The following CSMD1 variants were observed in gnomAD, a reference collection of about 807,000 sequenced individuals.
CSMD1 encodes the protein CUB and Sushi multiple domains 1.
Under a neutral mutation model 417.5 loss-of-function variants are expected in CSMD1, and 213 were observed. The ratio of observed to expected loss-of-function variants is 0.51; its 90% confidence interval spans 0.46 to 0.57. The LOEUF (loss-of-function observed/expected upper bound fraction) is 0.57. Among genes scored for constraint, CSMD1 ranks in the 20% least tolerant of loss-of-function variants. The pLI, the probability that CSMD1 is intolerant of heterozygous loss-of-function variation, is 0.00. For synonymous variants in CSMD1, 2,862 were observed against 1,736.8 expected (o/e 1.65, Z -16.11); for missense variants, 6,923 against 4,529.7 (o/e 1.53, Z -15.17).
chr8:3,865,034 T>A (rs1283940795), intron 5 of CSMD1, among the ~76,000 whole-genome samples: 1 of 152,224 alleles, frequency 6.6e-6, no homozygotes, highest in East Asian at 1.9e-4. Flanking sequence ...ATTTGTCAAG[T>A]AAGACATGCT....
At chr8:3,725,064 G>C (rs959090424) in intron 6 of CSMD1, among the ~76,000 whole-genome samples, 29 of 152,224 alleles carry the variant, frequency 1.9e-4, no homozygotes, top group African/African-American at 5.1e-4. Context: ...AGAGGAGTGA[G>C]GCAGGAGGTT....
intron 21 of CSMD1, among the ~76,000 whole-genome samples, chr8:3,357,437 A>G (rs1420253945): frequency 6.6e-6 from 1 of 152,244 alleles, no homozygotes; most frequent in Admixed American, 6.5e-5. Flanking sequence ...ACATGGAAGG[A>G]GCCTGAAGCA....
chr8:3,873,399 G>C (rs1306020309), intron 5 of CSMD1, among the ~76,000 whole-genome samples: 1 of 152,028 alleles, frequency 6.6e-6, no homozygotes, highest in Non-Finnish European at 1.5e-5. Context: ...TCATGTCCTT[G>C]GCAGGCACAT....
At chr8:4,890,716 T>C (rs936203455) in intron 1 of CSMD1, among the ~76,000 whole-genome samples, 8 of 152,084 alleles carry the variant, frequency 5.3e-5, no homozygotes, top group Non-Finnish European at 8.8e-5. Context: ...TGTTATTAGG[T>C]CGCTGCAAAA....
intron 4 of CSMD1, among the ~76,000 whole-genome samples, chr8:4,002,495 T>C (rs1223448110): frequency 6.6e-6 from 1 of 152,202 alleles, no homozygotes. Context: ...GGATGATCAA[T>C]TTTATAAATA....
At chr8:4,547,184 T>G (rs1275189816) in intron 2 of CSMD1, among the ~76,000 whole-genome samples, 3 of 152,192 alleles carry the variant, frequency 2.0e-5, no homozygotes, top group Non-Finnish European at 4.4e-5. Flanking sequence ...CCCGTCCACT[T>G]ATTAAACTAG....
At chr8:3,574,060 G>A (rs1357414785) in intron 10 of CSMD1, among the ~76,000 whole-genome samples, 2 of 152,038 alleles carry the variant, frequency 1.3e-5, no homozygotes, top group East Asian at 3.9e-4. Flanking sequence ...TGCAAACTAT[G>A]TATGCAAACT....
intron 18 of CSMD1, among the ~76,000 whole-genome samples, chr8:3,380,353 C>A (rs2116767853): frequency 6.6e-6 from 1 of 152,212 alleles, no homozygotes; most frequent in Non-Finnish European, 1.5e-5. Context: ...GATCTAGAAC[C>A]AGAAATACCA....
At chr8:4,667,506 T>A (rs1478227052) in intron 1 of CSMD1, among the ~76,000 whole-genome samples, 1 of 152,150 alleles carries the variant, frequency 6.6e-6, no homozygotes, top group Non-Finnish European at 1.5e-5. Context: ...TGATATACCC[T>A]CCTTTTATGT....
At chr8:2,959,450 T>C (rs1270379306) in intron 62 of CSMD1, among the ~76,000 whole-genome samples, 1 of 152,188 alleles carries the variant, frequency 6.6e-6, no homozygotes, top group African/African-American at 2.4e-5. Context: ...GCAAGCATGT[T>C]TGCAATTCCA....
chr8:4,419,647 C>A (rs1021062552), intron 3 of CSMD1, among the ~76,000 whole-genome samples: 3 of 152,136 alleles, frequency 2.0e-5, no homozygotes, highest in Middle Eastern at 3.2e-3. Flanking sequence ...GAACTCTTTA[C>A]CACGTAAGAG....
chr8:4,347,997 T>C (rs1800872593), intron 3 of CSMD1, among the ~76,000 whole-genome samples: 1 of 152,118 alleles, frequency 6.6e-6, no homozygotes, highest in Admixed American at 6.6e-5. Context: ...CAAACATGCG[T>C]CACTTATTTT....
In CSMD1 at chr8:4,545,986, C is replaced by G. The variant is rs6989629; in HGVS notation, c.302+91356G>C. On this transcript the variant is annotated intron_variant, in intron 2 of 69. Transcript: ENST00000635120. ...TGTCGCCTGAATCCCCTTCTTATGA[C>G]CCCCTTCTACTGCATTCCATCCACA... Among the ~76,000 whole-genome samples the G allele has an allele frequency of 4.5e-3, 686 of 152,144 alleles. 3 individuals are homozygous for G. Among genetic ancestry groups the G allele is most frequent in the African/African-American group, 0.016 (658 of 41,440 alleles).
chr8:3,389,296 G>T lies in CSMD1; in HGVS notation c.2594-1614C>A, dbSNP rs1450784494. Among the ~76,000 whole-genome samples, 6 of 152,156 alleles carry T rather than the reference G, an allele frequency of 3.9e-5. No individual in the cohort carries two copies. In the East Asian group the frequency reaches 1.2e-3, roughly 29 times the overall value. On this transcript the variant is annotated intron_variant, in intron 17 of 69. Coordinates refer to ENST00000635120, the MANE Select transcript of CSMD1 (RefSeq NM_033225.6). ...CCTCAACCCTCTGATAGGCCCCAGTGTGTGTTGTTCCCTCTATGTGTCCAT... is the reference window on the plus strand; with the variant it reads ...CCTCAACCCTCTGATAGGCCCCAGTTTGTGTTGTTCCCTCTATGTGTCCAT...
chr8:3,520,546 C>G (rs189689619), intron 10 of CSMD1, among the ~76,000 whole-genome samples: 1 of 152,134 alleles, frequency 6.6e-6, no homozygotes, highest in East Asian at 1.9e-4. Flanking sequence ...TTGTCAAATC[C>G]CATCATTTCT....
At chr8:3,796,383 T>G (rs559117487) in intron 5 of CSMD1, among the ~76,000 whole-genome samples, 304 of 27,508 alleles carry the variant, frequency 0.011, 47 homozygotes, top group East Asian at 0.064. Context: ...CATGTATATA[T>G]ATATCTATCA....
chr8:3,389,261 T>G lies in CSMD1; in HGVS notation c.2594-1579A>C, dbSNP rs7001058. Among the ~76,000 whole-genome samples the G allele has an allele frequency of 4.4e-3, 665 of 151,910 alleles. 15 individuals are homozygous for G. The highest frequency in any genetic ancestry group is 0.04 in the Admixed American group (606 of 15,282). ...TTAGTTGTTTTTCCCGATCCTCTCC[T>G]TCCTGCTACCCTCAACCCTCTGATA... On this transcript the variant is annotated intron_variant, in intron 17 of 69. Coordinates refer to ENST00000635120, the MANE Select transcript of CSMD1 (RefSeq NM_033225.6).
chr8:4,302,624 T>G (rs1180463812), intron 3 of CSMD1, among the ~76,000 whole-genome samples: 1 of 152,212 alleles, frequency 6.6e-6, no homozygotes, highest in African/African-American at 2.4e-5. Flanking sequence ...TTGTTGTGTT[T>G]TTCTCTGACA....
intron 12 of CSMD1, among the ~76,000 whole-genome samples, chr8:3,467,072 G>A (rs992747673): frequency 3.3e-5 from 5 of 152,220 alleles, no homozygotes; most frequent in Admixed American, 2.6e-4. Context: ...ATCTCAGGGT[G>A]GCTACTGAGA....
Sources: gnomAD v4.1 joint callset for allele counts (sites outside exome capture counted in the v4.1 genomes callset) on GRCh38, gnomAD v4.1.1 for gene constraint, MANE v1.5 for transcripts, NCBI Gene and HGNC (gene_info 2026-07-23, HGNC 2026-07-21) for gene names.